PIK3R1: variants seen among roughly 807,000 people sequenced by gnomAD.
PIK3R1 encodes the protein phosphoinositide-3-kinase regulatory subunit 1.
A neutral mutation model predicts 98.0 loss-of-function variants in PIK3R1; 29 were observed. That is an observed-to-expected ratio of 0.30 (90% CI 0.22 to 0.40). The LOEUF is 0.40. Ranked by LOEUF, PIK3R1 falls within the 10% of genes least tolerant of loss-of-function variation. PIK3R1 has a pLI of 1.00. For missense variants in PIK3R1, 596 were observed against 872.7 expected (o/e 0.68, Z 3.99); for synonymous variants, 282 against 311.8 (o/e 0.90, Z 1.01).
chr5:68,243,116 G>C (rs368692356), intron 2 of PIK3R1, among the ~76,000 whole-genome samples: 1 of 151,138 alleles, frequency 6.6e-6, no homozygotes, highest in Non-Finnish European at 1.5e-5. Flanking sequence ...GTCCACTGTC[G>C]CAATTTTTAC....
chr5:68,257,503 G>A (rs1183202510), intron 2 of PIK3R1, among the ~76,000 whole-genome samples: 3 of 152,232 alleles, frequency 2.0e-5, no homozygotes, highest in African/African-American at 4.8e-5. Flanking sequence ...GTGACAGCCA[G>A]TTGGGGTGGG....
Position 68,226,665 on chromosome 5 carries a change from G to C in PIK3R1, c.-11G>C, listed in dbSNP as rs775184381. The C allele has an allele frequency of 8.1e-6, 13 of 1,606,004 alleles. No individual in the cohort carries two copies. The highest frequency in any genetic ancestry group is 4.0e-5 in the African/African-American group (3 of 74,678). On this transcript the variant is annotated 5_prime_UTR_variant, in exon 2 of 16. Transcript: ENST00000521381. ...CAGGCTCAACTGTTGCATGGTAGCA[G>C]ATTTGCAAACATGAGTGCTGAGGGG...
chr5:68,221,364 G>A (rs1580168164), intron 1 of PIK3R1, among the ~76,000 whole-genome samples: 1 of 152,136 alleles, frequency 6.6e-6, no homozygotes, highest in Non-Finnish European at 1.5e-5. Flanking sequence ...ATGAATTTAG[G>A]TGAGGAGCTT....
At chr5:68,242,721 C>T (rs1744915199) in intron 2 of PIK3R1, among the ~76,000 whole-genome samples, 2 of 152,176 alleles carry the variant, frequency 1.3e-5, no homozygotes, top group Non-Finnish European at 2.9e-5. Context: ...ATGAACTGAG[C>T]CATGGCCAAG....
chr5:68,294,515 C>A, intron 11 of PIK3R1, 21 bp from the exon 12 acceptor site: 2 of 1,578,684 alleles, frequency 1.3e-6, no homozygotes, highest in Admixed American at 1.7e-5. Context: ...ATGACATTAT[C>A]TTTTTAAAAT....
intron 2 of PIK3R1, among the ~76,000 whole-genome samples, chr5:68,271,323 A>G (rs1746350362): frequency 6.6e-6 from 1 of 152,202 alleles, no homozygotes. Flanking sequence ...GATGTGTTAC[A>G]GTGATGTTGC....
At chr5:68,278,690 C>T (rs1025961993) in intron 4 of PIK3R1, among the ~76,000 whole-genome samples, 2 of 152,114 alleles carry the variant, frequency 1.3e-5, no homozygotes, top group African/African-American at 4.8e-5. Context: ...ACCTGTAATC[C>T]CAGCACTTTG....
chr5:68,225,549 G>A (rs902230162), intron 1 of PIK3R1, among the ~76,000 whole-genome samples: 1 of 152,180 alleles, frequency 6.6e-6, no homozygotes, highest in African/African-American at 2.4e-5. Context: ...TTTCTCTGCA[G>A]TGTTTATTTC....
At chr5:68,216,123 C>A (rs567776444) in intron 1 of PIK3R1, among the ~76,000 whole-genome samples, 174 bp downstream of exon 1, 4 of 152,076 alleles carry the variant, frequency 2.6e-5, no homozygotes, top group Non-Finnish European at 4.4e-5. Flanking sequence ...CATCTCCTGG[C>A]CGCCGGGCAG....
rs2112259775 is a variant in PIK3R1, at chr5:68,293,464, C to T, written c.1280C>T (p.Pro427Leu). The change falls in exon 10 of 16, where the codon CCA becomes CTA. Residue 427 changes from proline to leucine, a missense_variant. Physicochemically the swap from Pro to Leu is moderately conservative, Grantham distance 98. This residue lies in a region of PIK3R1 where 207 missense variants were observed against 361.4 expected (regional missense o/e 0.57). Transcript: ENST00000521381. ...NPKLDVKLLY[P>L]VSKYQQDQVV... is the part of the protein sequence containing the mutation. Reference sequence around the variant, plus strand: ...AAATTGGATGTGAAATTACTTTATCCAGTATCCAAATACCAACAGGTAATA... The same window carrying T: ...AAATTGGATGTGAAATTACTTTATCTAGTATCCAAATACCAACAGGTAATA... 1 of 1,610,514 alleles carries T rather than the reference C, an allele frequency of 6.2e-7. No homozygotes were observed. Among genetic ancestry groups the T allele is most frequent in the Non-Finnish European group, 8.5e-7 (1 of 1,177,686 alleles).
chr5:68,254,554 C>G lies in PIK3R1; in HGVS notation c.335-18836C>G, dbSNP rs142384603. Reference sequence around the variant, plus strand: ...TTACAAAGACTTTATTTTAGTGAAGCCTTCAATAAACAGTGACCTCATGTC... The same window carrying G: ...TTACAAAGACTTTATTTTAGTGAAGGCTTCAATAAACAGTGACCTCATGTC... On this transcript the variant is annotated intron_variant, in intron 2 of 15. Transcript: ENST00000521381. Among the ~76,000 whole-genome samples the G allele has an allele frequency of 5.7e-3, 866 of 152,280 alleles. 5 individuals are homozygous for G. The highest frequency in any genetic ancestry group is 0.014 in the African/African-American group (565 of 41,552).
intron 4 of PIK3R1, among the ~76,000 whole-genome samples, chr5:68,279,075 C>T (rs1283548597): frequency 6.6e-6 from 1 of 152,186 alleles, no homozygotes; most frequent in Non-Finnish European, 1.5e-5. Context: ...CAGCGTTTCT[C>T]CTCTGTGCCT....
At chr5:68,283,250 G>A (rs1451162107) in intron 7 of PIK3R1, among the ~76,000 whole-genome samples, 1 of 152,184 alleles carries the variant, frequency 6.6e-6, no homozygotes, top group African/African-American at 2.4e-5. Context: ...ACAAAAGCAA[G>A]ACTCTGTTAT....
At position 68,238,218 on chromosome 5, in the gene PIK3R1, C is replaced by A. The variant is rs10940158; in HGVS notation, c.334+11209C>A. On this transcript the variant is annotated intron_variant, in intron 2 of 15. Coordinates refer to ENST00000521381, the MANE Select transcript of PIK3R1 (RefSeq NM_181523.3). The stretch of plus-strand genomic sequence containing the variant: ...TGTTGAAATGAAAACCACCTTGGAA[C>A]TGGCCTTTTCATCTCAGACTGCCAA... 4.7e-4 allele frequency among the ~76,000 whole-genome samples: 71 copies of A among 151,678 alleles called. 1 individual carries two copies. The highest frequency in any genetic ancestry group is 1.5e-3 in the African/African-American group (63 of 41,314).
chr5:68,221,789 A>G (rs1332303061), intron 1 of PIK3R1, among the ~76,000 whole-genome samples: 1 of 152,202 alleles, frequency 6.6e-6, no homozygotes, highest in East Asian at 1.9e-4. Flanking sequence ...ATCAGAAACA[A>G]TTTTATTTTG....
intron 1 of PIK3R1, among the ~76,000 whole-genome samples, 176 bp downstream of exon 1, chr5:68,216,125 G>A (rs912097788): frequency 6.6e-6 from 1 of 152,230 alleles, no homozygotes; most frequent in Non-Finnish European, 1.5e-5. Context: ...TCTCCTGGCC[G>A]CCGGGCAGCA....
At chr5:68,246,305 G>C (rs890163811) in intron 2 of PIK3R1, among the ~76,000 whole-genome samples, 1 of 140,034 alleles carries the variant, frequency 7.1e-6, no homozygotes, top group African/African-American at 2.9e-5. Context: ...TGTCCACTTG[G>C]TGTGTATATT....
At chr5:68,225,496 G>C (rs1344373965) in intron 1 of PIK3R1, among the ~76,000 whole-genome samples, 1 of 152,092 alleles carries the variant, frequency 6.6e-6, no homozygotes, top group Non-Finnish European at 1.5e-5. Context: ...TGCTCCTCTC[G>C]TTCTCGCCGC....
At chr5:68,288,510 G>GGACGAGCC (rs1486381592) in intron 7 of PIK3R1, 2 of 1,221,758 alleles carry the variant, frequency 1.6e-6, no homozygotes, top group African/African-American at 3.8e-5. Flanking sequence ...TGGGGCGGAG[G>GGACGAGCC]GACGAGCCGA....
Sources: allele counts gnomAD v4.1 joint callset (sites outside exome capture counted in the v4.1 genomes callset), GRCh38; gene constraint gnomAD v4.1.1; regional missense constraint gnomAD v4.1.1; transcripts MANE v1.5; gene names NCBI Gene and HGNC (gene_info 2026-07-23, HGNC 2026-07-21).